The following RBBP4 variants were observed in gnomAD, a reference collection of about 807,000 sequenced individuals.
The protein encoded by RBBP4 is histone-binding protein RBBP4.
Under a neutral mutation model 57.2 loss-of-function variants are expected in RBBP4, and 3 were observed. The observed-to-expected ratio is 0.05, with a 90% CI of 0.02 to 0.14. The LOEUF is 0.14. Among genes scored for constraint, RBBP4 ranks in the 10% least tolerant of loss-of-function variants. The pLI, the probability that RBBP4 is intolerant of heterozygous loss-of-function variation, is 1.00. For missense variants in RBBP4, 107 were observed against 520.6 expected (o/e 0.21, Z 7.73); for synonymous variants, 151 against 171.5 (o/e 0.88, Z 0.93).
At chr1:32,666,794 G>A (rs1399862509) in intron 3 of RBBP4, among the ~76,000 whole-genome samples, 1 of 152,152 alleles carries the variant, frequency 6.6e-6, no homozygotes, top group Non-Finnish European at 1.5e-5. Context: ...ATACAAAGTA[G>A]ATATAGAGAT....
chr1:32,676,199 G>A (rs184530730), intron 11 of RBBP4, among the ~76,000 whole-genome samples: 23 of 152,230 alleles, frequency 1.5e-4, no homozygotes, highest in East Asian at 7.7e-4. Flanking sequence ...AAAGAAGTAC[G>A]GTTAGGGTTA....
chr1:32,666,030 CAT>C (rs1253934349), intron 3 of RBBP4, among the ~76,000 whole-genome samples: 2 of 152,298 alleles, frequency 1.3e-5, no homozygotes, highest in South Asian at 2.1e-4. Context: ...ACATAGTAGT[CAT>C]GTGTGAATAA....
chr1:32,651,242 CT>C lies in RBBP4; in HGVS notation c.-63del. 6.6e-7 allele frequency: 1 copy of C among 1,507,152 alleles called. No individual in the cohort carries two copies. The highest frequency in any genetic ancestry group is 2.2e-5 in the Admixed American group (1 of 45,516). 93.4% of individuals were successfully genotyped at this position (1,507,152 alleles called of 1,614,324 possible). A position where few individuals can be genotyped will look rare whatever the true frequency, so the allele number is the denominator to read the frequency against. ...AGAGGCCGCGCGCACAGAGCGAGCTCTTGCAGCCTCCCCGCCCCTCCCGCAA... is the reference window on the plus strand; with the variant it reads ...AGAGGCCGCGCGCACAGAGCGAGCTCTGCAGCCTCCCCGCCCCTCCCGCAA... On this transcript the variant is annotated 5_prime_UTR_variant, in exon 1 of 12. Transcript: ENST00000373493.
In RBBP4 at chr1:32,669,662, G is replaced by A. The variant is rs113576220; in HGVS notation, c.966+99G>A. The A allele has an allele frequency of 5.6e-4, 821 of 1,455,298 alleles. No individual in the cohort carries two copies. Among genetic ancestry groups the A allele is most frequent in the Non-Finnish European group, 6.5e-4 (711 of 1,101,820 alleles). The allele number at this position is 1,455,298 out of a possible 1,614,324, so 90.1% of individuals were successfully genotyped here. ...TCCCAGCACTTTGGGAGGCTGAAGC[G>A]GGCGGATCACAAGGTCAGGAGATCG... On this transcript the variant is annotated intron_variant, in intron 8 of 11. Transcript: ENST00000373493. The surrounding 1 kb of genome is among the most constrained non-coding windows in gnomAD (Gnocchi z 4.9).
chr1:32,675,656 C>G (rs1649068502), intron 11 of RBBP4, among the ~76,000 whole-genome samples: 1 of 151,986 alleles, frequency 6.6e-6, no homozygotes, highest in Non-Finnish European at 1.5e-5. Context: ...GTAGTCCCAG[C>G]TACTCGGGAG....
chr1:32,684,559 G>A lies in RBBP4; in HGVS notation c.*4854G>A, dbSNP rs1237413385. 7.9e-6 allele frequency: 7 copies of A among 884,160 alleles called. No homozygotes were observed. The highest frequency in any genetic ancestry group is 1.0e-5 in the Non-Finnish European group (6 of 602,360). The allele number at this position is 884,160 out of a possible 1,614,324, so 54.8% of individuals were successfully genotyped here. On this transcript the variant is annotated 3_prime_UTR_variant, in exon 12 of 12. Coordinates refer to ENST00000373493, the MANE Select transcript of RBBP4 (RefSeq NM_005610.3). ...AAAGAAGTTGTGTCTTGGAAAAAAAGTGACAATGCTTTTGAAAATGATGAC... is the reference window on the plus strand; with the variant it reads ...AAAGAAGTTGTGTCTTGGAAAAAAAATGACAATGCTTTTGAAAATGATGAC...
rs767520306 is a variant in RBBP4, at chr1:32,673,536, C to T, written c.1212+635C>T. On this transcript the variant is annotated intron_variant, in intron 11 of 11. Coordinates refer to ENST00000373493, the MANE Select transcript of RBBP4 (RefSeq NM_005610.3). ...CACTGCAACTTCCACCTCCCAGGTT[C>T]GATCGATTCTCCTGCCTCAGCCTTC... is the stretch of plus-strand genomic sequence containing the variant. 4.2e-5 allele frequency: 17 copies of T among 404,792 alleles called. 1 individual carries two copies. Among genetic ancestry groups the T allele is most frequent in the South Asian group, 2.5e-4 (14 of 56,534 alleles). 25.1% of individuals were successfully genotyped at this position (404,792 alleles called of 1,614,324 possible).
At chr1:32,652,935 AATAATT>A (rs1205504164) in intron 2 of RBBP4, among the ~76,000 whole-genome samples, 3 of 152,212 alleles carry the variant, frequency 2.0e-5, no homozygotes, top group Non-Finnish European at 4.4e-5. Context: ...GATATAAACT[AATAATT>A]ATAGTTATAT....
At chr1:32,672,187 A>T (rs924626405) in intron 8 of RBBP4, among the ~76,000 whole-genome samples, 2 of 151,774 alleles carry the variant, frequency 1.3e-5, no homozygotes, top group Non-Finnish European at 2.9e-5. Context: ...ACAGTGTTTC[A>T]CCATGTTGGT....
intron 11 of RBBP4, among the ~76,000 whole-genome samples, chr1:32,677,854 T>G (rs1267234253): frequency 6.6e-6 from 1 of 152,206 alleles, no homozygotes; most frequent in African/African-American, 2.4e-5. Context: ...TCCTGTCCTC[T>G]GCAGTACCTA....
At chr1:32,657,872 T>C (rs1477242866) in intron 3 of RBBP4, among the ~76,000 whole-genome samples, 2 of 152,092 alleles carry the variant, frequency 1.3e-5, no homozygotes, top group Non-Finnish European at 2.9e-5. Flanking sequence ...TTTTATTTTT[T>C]TACTCAGTCT....
chr1:32,658,848 T>C (rs1351559162), intron 3 of RBBP4, among the ~76,000 whole-genome samples: 3 of 151,706 alleles, frequency 2.0e-5, no homozygotes, highest in Admixed American at 6.6e-5. Flanking sequence ...GTGTGATAAA[T>C]TGTAAAACTA....
At position 32,683,743 on chromosome 1, in the gene RBBP4, C is replaced by T. The variant is rs954951675; in HGVS notation, c.*4038C>T. On this transcript the variant is annotated 3_prime_UTR_variant, in exon 12 of 12. Transcript: ENST00000373493. ...CTGCCTCCTGGTTCAAGCGATTCTC[C>T]TGCCTTGGCCTCCTGAGTAGCTGGG... 2.8e-6 allele frequency: 1 copy of T among 360,128 alleles called. No individual in the cohort carries two copies. The highest frequency in any genetic ancestry group is 4.4e-5 in the Admixed American group (1 of 22,698). 22.3% of individuals were successfully genotyped at this position (360,128 alleles called of 1,614,324 possible). A position where few individuals can be genotyped will look rare whatever the true frequency, so the allele number is the denominator to read the frequency against.
intron 2 of RBBP4, among the ~76,000 whole-genome samples, chr1:32,653,728 C>T (rs1465648083): frequency 2.9e-5 from 4 of 136,378 alleles, no homozygotes; most frequent in Admixed American, 8.7e-5. Context: ...ACGTGATCTC[C>T]GCTGACTGCA....
At chr1:32,670,470 A>G (rs1648823778) in intron 8 of RBBP4, among the ~76,000 whole-genome samples, 3 of 152,252 alleles carry the variant, frequency 2.0e-5, no homozygotes, top group Admixed American at 2.0e-4. Flanking sequence ...AATTAAAAAA[A>G]GAAATAATCA....
intron 11 of RBBP4, among the ~76,000 whole-genome samples, chr1:32,673,146 C>CT (rs1648944803): frequency 6.6e-6 from 1 of 152,100 alleles, no homozygotes; most frequent in Non-Finnish European, 1.5e-5. Context: ...TTTCCCTCTC[C>CT]TCCTTCTTTC....
Position 32,669,819 on chromosome 1 carries a change from A to G in RBBP4, c.966+256A>G, listed in dbSNP as rs1648795018. 1.3e-5 allele frequency among the ~76,000 whole-genome samples: 2 copies of G among 152,096 alleles called. No homozygotes were observed. The highest frequency in any genetic ancestry group is 4.1e-4 in the South Asian group (2 of 4,822). On this transcript the variant is annotated intron_variant, in intron 8 of 11. Transcript: ENST00000373493. This position sits in a 1 kb window ranked among gnomAD's most constrained non-coding sequence, Gnocchi z 4.9. Reference sequence around the variant, plus strand: ...GCAGGAGAATGGCATGAAACCCGGGAGGCAGAGGTTGCAGTGAGCCGAGAT... The same window carrying G: ...GCAGGAGAATGGCATGAAACCCGGGGGGCAGAGGTTGCAGTGAGCCGAGAT...
chr1:32,676,317 AT>A (rs1649098246), intron 11 of RBBP4, among the ~76,000 whole-genome samples: 2 of 151,956 alleles, frequency 1.3e-5, no homozygotes, highest in Non-Finnish European at 2.9e-5. Context: ...TAGAAAGCTG[AT>A]TACTGGCCAG....
At chr1:32,673,859 G>A (rs1386857490) in intron 11 of RBBP4, among the ~76,000 whole-genome samples, 1 of 152,104 alleles carries the variant, frequency 6.6e-6, no homozygotes, top group African/African-American at 2.4e-5. Context: ...AGTACTCTGG[G>A]AGGCCGAGGC....
Sources: gnomAD v4.1 joint callset for allele counts (sites outside exome capture counted in the v4.1 genomes callset) on GRCh38, gnomAD v4.1.1 for gene constraint, Gnocchi (gnomAD v3.1) non-coding constraint, MANE v1.5 for transcripts, NCBI Gene and HGNC (gene_info 2026-07-23, HGNC 2026-07-21) for gene names.